The following RAB3C variants were observed in gnomAD, a reference collection of about 807,000 sequenced individuals.
The protein encoded by RAB3C is ras-related protein Rab-3C.
Under a neutral mutation model 26.4 loss-of-function variants are expected in RAB3C, and 17 were observed. The observed-to-expected ratio is 0.64, with a 90% CI of 0.44 to 0.97. The LOEUF is 0.97. Ranked by LOEUF, RAB3C falls within the 50% of genes least tolerant of loss-of-function variation. The pLI, the probability that RAB3C is intolerant of heterozygous loss-of-function variation, is 0.00. For synonymous variants in RAB3C, 91 were observed against 95.9 expected (o/e 0.95, Z 0.30); for missense variants, 242 against 281.9 (o/e 0.86, Z 1.01).
chr5:58,772,614 C>T (rs1742052749), intron 3 of RAB3C, among the ~76,000 whole-genome samples: 1 of 152,144 alleles, frequency 6.6e-6, no homozygotes, highest in African/African-American at 2.4e-5. Flanking sequence ...AGAGAAGGCT[C>T]ATCGTGCTTG....
At chr5:58,604,430 T>C (rs1438371108) in intron 1 of RAB3C, among the ~76,000 whole-genome samples, 1 of 152,140 alleles carries the variant, frequency 6.6e-6, no homozygotes, top group Non-Finnish European at 1.5e-5. Flanking sequence ...GGAAGGACTA[T>C]GGGGAGTGGG....
At position 58,805,589 on chromosome 5, in the gene RAB3C, G is replaced by GA. The variant is rs1554019798; in HGVS notation, c.372-19434dup. Among the ~76,000 whole-genome samples the GA allele has an allele frequency of 2.5e-3, 271 of 107,072 alleles. 3 individuals are homozygous for GA. The highest frequency in any genetic ancestry group is 0.011 in the East Asian group (37 of 3,350). The allele number at this position is 107,072 out of a possible 152,430, so 70.2% of individuals were successfully genotyped here. ...TGGGTGACAAAGCAAGACTCCATCT[G>GA]AAAAAAAAAAAAAAAGAGAGAGAGA... On this transcript the variant is annotated intron_variant, in intron 3 of 4. Transcript: ENST00000282878.
At chr5:58,707,918 C>A (rs1237213948) in intron 2 of RAB3C, among the ~76,000 whole-genome samples, 2 of 152,148 alleles carry the variant, frequency 1.3e-5, no homozygotes, top group East Asian at 1.9e-4. Context: ...AACCCTGCCC[C>A]GCCTGGGCAT....
chr5:58,582,664 G>C (rs924581464), upstream of RAB3C, among the ~76,000 whole-genome samples: 2 of 152,180 alleles, frequency 1.3e-5, no homozygotes, highest in African/African-American at 2.4e-5. Context: ...ATGGGGAGGG[G>C]TAGGGCGGAG....
chr5:58,825,219 C>A, intron 4 of RAB3C, 57 bp downstream of exon 4: 3 of 1,533,454 alleles, frequency 2.0e-6, no homozygotes, highest in Non-Finnish European at 2.6e-6. Context: ...ATATGTAACT[C>A]TGTACAGAGT....
At chr5:58,613,722 G>T (rs1198870698) in intron 1 of RAB3C, among the ~76,000 whole-genome samples, 1 of 152,082 alleles carries the variant, frequency 6.6e-6, no homozygotes, top group Non-Finnish European at 1.5e-5. Flanking sequence ...GACTAAGTAG[G>T]TAAATATCTA....
chr5:58,686,031 GT>G (rs1748438205), intron 2 of RAB3C, among the ~76,000 whole-genome samples: 2 of 152,172 alleles, frequency 1.3e-5, no homozygotes, highest in Admixed American at 1.3e-4. Context: ...GAAGATGCCT[GT>G]GGGTGAAATG....
intron 2 of RAB3C, among the ~76,000 whole-genome samples, chr5:58,647,473 A>G (rs1399797029): frequency 1.2e-5 from 1 of 83,960 alleles, no homozygotes; most frequent in Non-Finnish European, 2.3e-5. Context: ...CCATGATCCA[A>G]TCACCTCCCT....
chr5:58,837,557 C>CTTTT (rs36020735), intron 4 of RAB3C, among the ~76,000 whole-genome samples: 82 of 118,822 alleles, frequency 6.9e-4, no homozygotes, highest in Non-Finnish European at 1.0e-3. Context: ...TTCAGTCTCT[C>CTTTT]TTTTTTTTTT....
chr5:58,608,073 C>T (rs1208257292), intron 1 of RAB3C, among the ~76,000 whole-genome samples: 2 of 152,184 alleles, frequency 1.3e-5, no homozygotes, highest in Non-Finnish European at 2.9e-5. Flanking sequence ...GTCAAATTCA[C>T]ACATAACAAT....
chr5:58,803,876 T>C (rs960663340), intron 3 of RAB3C, among the ~76,000 whole-genome samples: 5 of 151,982 alleles, frequency 3.3e-5, no homozygotes, highest in Non-Finnish European at 5.9e-5. Context: ...CTGGCCAACA[T>C]AGTGAAACCC....
At chr5:58,819,387 T>G (rs1743288796) in intron 3 of RAB3C, among the ~76,000 whole-genome samples, 1 of 152,226 alleles carries the variant, frequency 6.6e-6, no homozygotes. Context: ...TGCTAATTCC[T>G]ATTACAGTGT....
At chr5:58,780,849 TAA>T (rs1376667804) in intron 3 of RAB3C, among the ~76,000 whole-genome samples, 1 of 152,046 alleles carries the variant, frequency 6.6e-6, no homozygotes, top group Non-Finnish European at 1.5e-5. Flanking sequence ...ATGGGGCTAA[TAA>T]AAAATATTAA....
rs55682317 is a variant in RAB3C at position 58,842,962 on chromosome 5, A to G, written c.497-8202A>G. Among the ~76,000 whole-genome samples, 666 of 152,348 alleles carry G rather than the reference A, an allele frequency of 4.4e-3. 4 individuals carry two copies. Among genetic ancestry groups the G allele is most frequent in the African/African-American group, 0.015 (632 of 41,572 alleles). On this transcript the variant is annotated intron_variant, in intron 4 of 4. Coordinates refer to ENST00000282878, the MANE Select transcript of RAB3C (RefSeq NM_138453.4). ...ACAGCTAGTGGAACACTGCCAAAATATAAGAAGATGGACATTAGGGATGTA... is the reference window on the plus strand; with the variant it reads ...ACAGCTAGTGGAACACTGCCAAAATGTAAGAAGATGGACATTAGGGATGTA...
At chr5:58,777,829 G>A (rs914704368) in intron 3 of RAB3C, among the ~76,000 whole-genome samples, 1 of 151,262 alleles carries the variant, frequency 6.6e-6, no homozygotes, top group Non-Finnish European at 1.5e-5. Flanking sequence ...CCACCTCTAA[G>A]TGAGAACATG....
intron 4 of RAB3C, among the ~76,000 whole-genome samples, chr5:58,830,360 G>C (rs1452009777): frequency 6.6e-6 from 1 of 152,154 alleles, no homozygotes; most frequent in African/African-American, 2.4e-5. Flanking sequence ...AATGCAGGCA[G>C]ATCTACCATG....
chr5:58,767,587 T>C (rs1316286613), intron 3 of RAB3C, among the ~76,000 whole-genome samples: 1 of 152,206 alleles, frequency 6.6e-6, no homozygotes, highest in Non-Finnish European at 1.5e-5. Flanking sequence ...AAACATTTCC[T>C]CTTTTTTTGG....
chr5:58,655,423 G>C (rs1404701240), intron 2 of RAB3C, among the ~76,000 whole-genome samples: 1 of 152,192 alleles, frequency 6.6e-6, no homozygotes, highest in Non-Finnish European at 1.5e-5. Flanking sequence ...AGAAGAGACA[G>C]AGAAAGATAA....
intron 3 of RAB3C, among the ~76,000 whole-genome samples, chr5:58,768,416 A>G (rs1010134707): frequency 5.1e-5 from 7 of 136,850 alleles, no homozygotes; most frequent in Non-Finnish European, 9.9e-5. Context: ...TTGAGTGCCT[A>G]ATACGTACCA....
Sources: allele counts gnomAD v4.1 joint callset (sites outside exome capture counted in the v4.1 genomes callset), GRCh38; gene constraint gnomAD v4.1.1; transcripts MANE v1.5; gene names NCBI Gene and HGNC (gene_info 2026-07-23, HGNC 2026-07-21).